CORO1C: variants seen among roughly 807,000 people sequenced by gnomAD.
The protein encoded by CORO1C is coronin-1C.
A neutral mutation model predicts 51.2 loss-of-function variants in CORO1C; 14 were observed. That is an observed-to-expected ratio of 0.27 (90% CI 0.18 to 0.43). The LOEUF (loss-of-function observed/expected upper bound fraction) is 0.43. Ranked by LOEUF, CORO1C falls within the 20% of genes least tolerant of loss-of-function variation. The pLI is 1.00. For synonymous variants in CORO1C, 181 were observed against 210.5 expected (o/e 0.86, Z 1.21); for missense variants, 417 against 607.8 (o/e 0.69, Z 3.30).
At chr12:108,729,458 GA>G (rs2035665602) in intron 1 of CORO1C, among the ~76,000 whole-genome samples, 3 of 152,280 alleles carry the variant, frequency 2.0e-5, no homozygotes, top group Non-Finnish European at 2.9e-5. Flanking sequence ...ATATGGACAA[GA>G]TAGGTTCTAT....
At chr12:108,714,265 T>C (rs34430227) in intron 1 of CORO1C, among the ~76,000 whole-genome samples, 3,505 of 152,096 alleles carry the variant, frequency 0.023, 56 homozygotes, top group Non-Finnish European at 0.038. Flanking sequence ...GGCGCACAAC[T>C]GTAGTCCCAG....
chr12:108,692,215 T>C (rs996536380), intron 2 of CORO1C, among the ~76,000 whole-genome samples: 4 of 151,990 alleles, frequency 2.6e-5, no homozygotes, highest in African/African-American at 4.8e-5. Context: ...CACTTGGCAG[T>C]TGAAGGTGCT....
intron 2 of CORO1C, among the ~76,000 whole-genome samples, chr12:108,694,299 AAAAAAGC>A (rs2034598853): frequency 1.3e-5 from 2 of 151,262 alleles, no homozygotes; most frequent in Admixed American, 6.6e-5. Flanking sequence ...AAAAAAAAAA[AAAAAAGC>A]AAGAACCCAC....
intron 3 of CORO1C, among the ~76,000 whole-genome samples, chr12:108,674,319 C>A (rs763476200): frequency 6.6e-6 from 1 of 152,102 alleles, no homozygotes; most frequent in East Asian, 1.9e-4. Flanking sequence ...GAGGCCAAGG[C>A]GGGCGGATCG....
chr12:108,660,634 G>A (rs578016580), intron 4 of CORO1C, among the ~76,000 whole-genome samples: 1 of 152,158 alleles, frequency 6.6e-6, no homozygotes, highest in Admixed American at 6.5e-5. Flanking sequence ...TGCAGAACAC[G>A]ACAATCACCC....
chr12:108,685,176 A>G (rs2034254542), intron 2 of CORO1C, among the ~76,000 whole-genome samples: 1 of 152,198 alleles, frequency 6.6e-6, no homozygotes, highest in South Asian at 2.1e-4. Flanking sequence ...TTAAAATTAA[A>G]TAACCCTGGC....
intron 3 of CORO1C, among the ~76,000 whole-genome samples, chr12:108,675,792 C>T (rs1189126449): frequency 6.6e-6 from 1 of 152,196 alleles, no homozygotes; most frequent in Non-Finnish European, 1.5e-5. Flanking sequence ...ACTGTGACAT[C>T]ATGTGCTTCC....
chr12:108,670,118 A>G (rs945902429), intron 3 of CORO1C, among the ~76,000 whole-genome samples: 1 of 152,230 alleles, frequency 6.6e-6, no homozygotes, highest in Non-Finnish European at 1.5e-5. Context: ...AGCAGAAAAC[A>G]AAACAAAACA....
intron 1 of CORO1C, chr12:108,703,147 T>C: frequency 2.1e-6 from 1 of 479,150 alleles, no homozygotes; most frequent in Non-Finnish European, 3.7e-6. Flanking sequence ...CACAACCATC[T>C]GCAACCATCT....
intron 1 of CORO1C, among the ~76,000 whole-genome samples, chr12:108,709,052 G>A (rs975832299): frequency 6.6e-6 from 1 of 151,966 alleles, no homozygotes; most frequent in African/African-American, 2.4e-5. Context: ...ACCATGCCTG[G>A]TGTGTTTCTT....
chr12:108,726,806 C>T (rs540072343), intron 1 of CORO1C, among the ~76,000 whole-genome samples: 2 of 152,216 alleles, frequency 1.3e-5, no homozygotes, highest in African/African-American at 4.8e-5. Flanking sequence ...AAATCGTGTT[C>T]GCTGGCCATC....
At chr12:108,726,832 A>G (rs1407934907) in intron 1 of CORO1C, among the ~76,000 whole-genome samples, 1 of 152,048 alleles carries the variant, frequency 6.6e-6, no homozygotes, top group East Asian at 1.9e-4. Flanking sequence ...TACTGAGGAG[A>G]CTGTGCGCCA....
intron 6 of CORO1C, among the ~76,000 whole-genome samples, 197 bp downstream of exon 6, chr12:108,657,107 G>A (rs756813141): frequency 3.9e-5 from 6 of 152,012 alleles, no homozygotes; most frequent in Non-Finnish European, 8.8e-5. Flanking sequence ...CTCTTCAGGA[G>A]TATCAAAAGT....
At chr12:108,710,979 C>G (rs1001653335) in intron 1 of CORO1C, among the ~76,000 whole-genome samples, 1 of 152,088 alleles carries the variant, frequency 6.6e-6, no homozygotes, top group African/African-American at 2.4e-5. Context: ...TGCAATAAAA[C>G]CTTCATCTTA....
chr12:108,715,649 C>G (rs553592140), intron 1 of CORO1C, among the ~76,000 whole-genome samples: 17 of 38,150 alleles, frequency 4.5e-4, no homozygotes, highest in East Asian at 0.014. Flanking sequence ...CCCCCTCCCC[C>G]CCGCATACTC....
chr12:108,657,292 G>A lies in CORO1C; in HGVS notation c.750+12C>T, dbSNP rs1320939258. The A allele has an allele frequency of 6.2e-7, 1 of 1,612,630 alleles. No homozygotes were observed. The highest frequency in any genetic ancestry group is 8.5e-7 in the Non-Finnish European group (1 of 1,179,072). On this transcript the variant is annotated intron_variant, in intron 6 of 10. Transcript: ENST00000261401. Reference sequence around the variant, plus strand: ...CAAGTGAAAGCAAGTGGAAAGCCTGGGGAGGGCGTACCGGATTCCAGAGAG... The same window carrying A: ...CAAGTGAAAGCAAGTGGAAAGCCTGAGGAGGGCGTACCGGATTCCAGAGAG...
At chr12:108,659,169 C>CA (rs1332412333) in intron 4 of CORO1C, among the ~76,000 whole-genome samples, 2 of 152,314 alleles carry the variant, frequency 1.3e-5, no homozygotes, top group Non-Finnish European at 2.9e-5. Context: ...AGTAAAAACA[C>CA]AACTTGTTAA....
At chr12:108,681,230 C>T (rs956527905) in intron 2 of CORO1C, among the ~76,000 whole-genome samples, 3 of 152,112 alleles carry the variant, frequency 2.0e-5, no homozygotes, top group Admixed American at 6.6e-5. Context: ...AAGTTTGACA[C>T]ACATTTAAAT....
chr12:108,652,535 C>CT, intron 7 of CORO1C, 118 bp from the exon 8 acceptor site: 1 of 741,474 alleles, frequency 1.3e-6, no homozygotes, highest in South Asian at 1.7e-5. Context: ...AGTAGCTGAC[C>CT]TTTTCTTCCT....
Sources: gnomAD v4.1 joint callset for allele counts (sites outside exome capture counted in the v4.1 genomes callset) on GRCh38, gnomAD v4.1.1 for gene constraint, MANE v1.5 for transcripts, NCBI Gene and HGNC (gene_info 2026-07-23, HGNC 2026-07-21) for gene names.